KCNB2: variants seen among roughly 807,000 people sequenced by gnomAD.
KCNB2 encodes the protein potassium voltage-gated channel subfamily B member 2.
Under a neutral mutation model 61.5 loss-of-function variants are expected in KCNB2, and 15 were observed. The observed-to-expected ratio is 0.24, with a 90% CI of 0.16 to 0.38. The LOEUF is 0.38. Ranked by LOEUF, KCNB2 falls within the 10% of genes least tolerant of loss-of-function variation. The probability of loss-of-function intolerance (pLI) is 1.00; values close to 1 mark genes in which losing one functional copy is unlikely to be tolerated. For missense variants in KCNB2, 828 were observed against 1,125.2 expected (o/e 0.74, Z 3.78); for synonymous variants, 457 against 446.0 (o/e 1.02, Z -0.31).
At position 72,598,825 on chromosome 8, in the gene KCNB2, C is replaced by A. The variant is rs542476133; in HGVS notation, c.579+30512C>A. Among the ~76,000 whole-genome samples, 12 of 152,310 alleles carry A rather than the reference C, an allele frequency of 7.9e-5. No individual in the cohort carries two copies. The East Asian group carries it at 1.5e-3, about 20-fold the overall frequency. On this transcript the variant is annotated intron_variant, in intron 2 of 2. Transcript: ENST00000523207. ...ACCAATAAGAGACAGAGAGCCAAAT[C>A]ATGAGTGAACTCCCATTCACAATTG... is the stretch of plus-strand genomic sequence containing the variant.
At chr8:72,656,554 A>G (rs1319094756) in intron 2 of KCNB2, among the ~76,000 whole-genome samples, 2 of 152,148 alleles carry the variant, frequency 1.3e-5, no homozygotes, top group Non-Finnish European at 2.9e-5. Context: ...ATCTCTCTCA[A>G]TATCTGGATA....
chr8:72,790,277 T>C (rs1297070916), intron 2 of KCNB2, among the ~76,000 whole-genome samples: 1 of 152,088 alleles, frequency 6.6e-6, no homozygotes. Flanking sequence ...AAGAGAACCC[T>C]GCTAAGGTCA....
chr8:72,654,822 G>C (rs1050877996), intron 2 of KCNB2, among the ~76,000 whole-genome samples: 1 of 152,094 alleles, frequency 6.6e-6, no homozygotes, highest in Admixed American at 6.6e-5. Context: ...ACGAGGTTAC[G>C]GGGAAAAGGG....
chr8:72,567,665 C>G lies in KCNB2; in HGVS notation c.-70C>G. 9.7e-7 allele frequency: 1 copy of G among 1,032,114 alleles called. No individual in the cohort carries two copies. Among genetic ancestry groups the G allele is most frequent in the South Asian group, 1.7e-5 (1 of 57,430 alleles). 63.9% of individuals were successfully genotyped at this position (1,032,114 alleles called of 1,614,324 possible). A position where few individuals can be genotyped will look rare whatever the true frequency, so the allele number is the denominator to read the frequency against. ...AGCTTTGTCAGTGGAAATGCCTGCCCCAGAGGGATATTGCTTCAGTTGACC... is the reference window on the plus strand; with the variant it reads ...AGCTTTGTCAGTGGAAATGCCTGCCGCAGAGGGATATTGCTTCAGTTGACC... On this transcript the variant is annotated 5_prime_UTR_variant, in exon 2 of 3. Transcript: ENST00000523207.
At chr8:72,812,310 T>G (rs971188663) in intron 2 of KCNB2, among the ~76,000 whole-genome samples, 10 of 152,040 alleles carry the variant, frequency 6.6e-5, no homozygotes, top group Non-Finnish European at 4.4e-5. Flanking sequence ...AGAGGACACT[T>G]TGGGTATTCT....
At chr8:72,820,564 G>A (rs1297818073) in intron 2 of KCNB2, among the ~76,000 whole-genome samples, 2 of 151,532 alleles carry the variant, frequency 1.3e-5, no homozygotes. Context: ...ATACTTCCCT[G>A]TATCTAACCT....
chr8:72,671,869 T>C (rs1806571322), intron 2 of KCNB2, among the ~76,000 whole-genome samples: 1 of 152,200 alleles, frequency 6.6e-6, no homozygotes, highest in South Asian at 2.1e-4. Flanking sequence ...AAGATAGTGC[T>C]GAGTTCCCCA....
Position 72,789,435 on chromosome 8 carries a change from C to CT in KCNB2, c.580-146495dup, listed in dbSNP as rs570428245. Among the ~76,000 whole-genome samples, 134 of 152,226 alleles carry CT rather than the reference C, an allele frequency of 8.8e-4. 1 individual carries two copies. The East Asian group carries it at 0.023, about 26-fold the overall frequency. ...TGGGAGCACAAAAGATTATCTAAAT[C>CT]TTTTTGAACCATGGAAGATCTAACA... On this transcript the variant is annotated intron_variant, in intron 2 of 2. Coordinates refer to ENST00000523207, the MANE Select transcript of KCNB2 (RefSeq NM_004770.3).
chr8:72,581,191 C>T (rs6993879), intron 2 of KCNB2, among the ~76,000 whole-genome samples: 1,924 of 152,264 alleles, frequency 0.013, 29 homozygotes, highest in African/African-American at 0.044. Flanking sequence ...CATATACGAG[C>T]TGCAGCCACA....
At chr8:72,805,917 G>T (rs894132032) in intron 2 of KCNB2, among the ~76,000 whole-genome samples, 2 of 152,184 alleles carry the variant, frequency 1.3e-5, no homozygotes, top group African/African-American at 4.8e-5. Flanking sequence ...AGGGCATTGG[G>T]CTGGATGAGG....
chr8:72,712,159 T>C (rs1165673721), intron 2 of KCNB2, among the ~76,000 whole-genome samples: 1 of 152,228 alleles, frequency 6.6e-6, no homozygotes, highest in East Asian at 1.9e-4. Flanking sequence ...ATATTTTATC[T>C]TGTAGACTCA....
intron 2 of KCNB2, among the ~76,000 whole-genome samples, chr8:72,586,348 C>T (rs540882122): frequency 6.6e-6 from 1 of 152,236 alleles, no homozygotes; most frequent in East Asian, 1.9e-4. Flanking sequence ...TAGAATTTCT[C>T]TATTGTATAC....
At position 72,651,406 on chromosome 8, in the gene KCNB2, G is replaced by T. The variant is rs939137411; in HGVS notation, c.579+83093G>T. On this transcript the variant is annotated intron_variant, in intron 2 of 2. Transcript: ENST00000523207. The stretch of plus-strand genomic sequence containing the variant: ...TTGCATTTCAATTAAGATGGTGTTG[G>T]ATAACAAAACAGTTGAAGTGGAATT... 2.0e-5 allele frequency among the ~76,000 whole-genome samples: 3 copies of T among 152,064 alleles called. No homozygotes were observed. The East Asian group carries it at 5.8e-4, about 29-fold the overall frequency.
intron 2 of KCNB2, among the ~76,000 whole-genome samples, chr8:72,662,372 A>G (rs1461398913): frequency 6.6e-6 from 1 of 152,198 alleles, no homozygotes. Context: ...CACAGGCCTC[A>G]GTGGGGCTGG....
chr8:72,865,896 A>G (rs906997243), intron 2 of KCNB2, among the ~76,000 whole-genome samples: 5 of 151,964 alleles, frequency 3.3e-5, no homozygotes, highest in Non-Finnish European at 7.4e-5. Flanking sequence ...GTAATCATCT[A>G]TGTGTTTGCA....
At chr8:72,832,936 G>A (rs184951556) in intron 2 of KCNB2, among the ~76,000 whole-genome samples, 2 of 152,248 alleles carry the variant, frequency 1.3e-5, no homozygotes, top group East Asian at 3.9e-4. Context: ...ACATCCTTAG[G>A]ATACTAGTCC....
chr8:72,923,975 A>G (rs556077681), intron 2 of KCNB2, among the ~76,000 whole-genome samples: 2 of 152,298 alleles, frequency 1.3e-5, no homozygotes, highest in East Asian at 3.9e-4. Context: ...CTGTAAACGT[A>G]ATTGTCATGA....
intron 2 of KCNB2, among the ~76,000 whole-genome samples, chr8:72,868,680 G>T (rs1047284243): frequency 1.3e-5 from 2 of 152,146 alleles, no homozygotes; most frequent in Non-Finnish European, 2.9e-5. Flanking sequence ...TACTTTAAGT[G>T]AACATTTTTA....
At chr8:72,758,248 G>A (rs187824607) in intron 2 of KCNB2, among the ~76,000 whole-genome samples, 2 of 152,296 alleles carry the variant, frequency 1.3e-5, no homozygotes, top group East Asian at 3.9e-4. Context: ...GAGTGGTCCA[G>A]CTGAAATTGG....
Sources: gnomAD v4.1 joint callset for allele counts (sites outside exome capture counted in the v4.1 genomes callset) on GRCh38, gnomAD v4.1.1 for gene constraint, MANE v1.5 for transcripts, NCBI Gene and HGNC (gene_info 2026-07-23, HGNC 2026-07-21) for gene names.